The following WDR41 variants were observed in gnomAD, a reference collection of about 807,000 sequenced individuals.
WDR41 encodes WD repeat-containing protein 41.
Under a neutral mutation model 69.3 loss-of-function variants are expected in WDR41, and 63 were observed. The observed-to-expected ratio is 0.91, with a 90% CI of 0.74 to 1.12. The LOEUF is 1.12. WDR41 is among the 50% of genes most tolerant of loss of function. The probability of loss-of-function intolerance (pLI) is 0.00; values close to 1 mark genes in which losing one functional copy is unlikely to be tolerated. For missense variants in WDR41, 543 were observed against 534.5 expected, an observed-to-expected ratio of 1.02 and a Z score of -0.16; for synonymous variants, 185 against 192.1, an observed-to-expected ratio of 0.96 and a Z score of 0.31.
chr5:77,572,017 C>T (rs562046324), intron 1 of WDR41, among the ~76,000 whole-genome samples: 9 of 152,194 alleles, frequency 5.9e-5, no homozygotes, highest in African/African-American at 1.4e-4. Context: ...CTAAAAACCA[C>T]GTTTCTCTAG....
At chr5:77,452,049 T>C in intron 6 of WDR41, 1 of 151,830 alleles carries the variant, frequency 6.6e-6, no homozygotes, top group Admixed American at 6.6e-5. Context: ...TTTTCCATTA[T>C]GATATATATG....
intron 1 of WDR41, among the ~76,000 whole-genome samples, chr5:77,597,533 C>T (rs912665282): frequency 3.3e-5 from 5 of 152,098 alleles, no homozygotes; most frequent in Non-Finnish European, 5.9e-5. Context: ...GCAGCAAATA[C>T]CTATGAGGGC....
chr5:77,449,902 C>T, intron 7 of WDR41, 32 bp from the exon 8 acceptor site: 1 of 1,436,442 alleles, frequency 7.0e-7, no homozygotes, highest in Non-Finnish European at 9.8e-7. Flanking sequence ...AATTTTATTA[C>T]AATGCTCTAA....
chr5:77,583,251 G>C (rs1023313766), intron 1 of WDR41: 4 of 626,522 alleles, frequency 6.4e-6, no homozygotes, highest in African/African-American at 1.8e-5. Context: ...GCCAGGCGCC[G>C]TCCCTGTTAT....
intron 1 of WDR41, among the ~76,000 whole-genome samples, chr5:77,510,493 G>C (rs1802181266): frequency 6.6e-6 from 1 of 152,094 alleles, no homozygotes; most frequent in Non-Finnish European, 1.5e-5. Context: ...ATAAAATTAT[G>C]GTTCTGCCCA....
intron 1 of WDR41, among the ~76,000 whole-genome samples, chr5:77,508,654 T>G (rs899063364): frequency 6.6e-6 from 1 of 152,230 alleles, no homozygotes; most frequent in East Asian, 1.9e-4. Context: ...TCACAATTAT[T>G]TGTTGCTATT....
At chr5:77,492,421 G>A (rs921509550), upstream of WDR41, 1 of 612,770 alleles carries the variant, frequency 1.6e-6, no homozygotes, top group Non-Finnish European at 2.6e-6. Context: ...ACCCAGCCAC[G>A]GAGGCTTAGT....
At chr5:77,461,859 C>G (rs933542211) in intron 4 of WDR41, among the ~76,000 whole-genome samples, 2 of 151,488 alleles carry the variant, frequency 1.3e-5, no homozygotes, top group Non-Finnish European at 2.9e-5. Context: ...ATTAATCTGA[C>G]AACCTCTTTT....
chr5:77,576,644 A>G (rs10071808), intron 1 of WDR41, among the ~76,000 whole-genome samples: 44,910 of 151,996 alleles, frequency 0.3, 7,281 homozygotes, highest in East Asian at 0.41. Context: ...CTCTTTAAGA[A>G]TTAGCATTAG....
chr5:77,477,964 T>C (rs187516011), intron 2 of WDR41, among the ~76,000 whole-genome samples: 2,735 of 150,544 alleles, frequency 0.018, 36 homozygotes, highest in Middle Eastern at 0.062. Context: ...AAGAATCAAA[T>C]AGATGCAATA....
intron 2 of WDR41, among the ~76,000 whole-genome samples, chr5:77,469,085 T>C (rs535175862): frequency 6.6e-6 from 1 of 152,272 alleles, no homozygotes; most frequent in African/African-American, 2.4e-5. Flanking sequence ...GTTCACGTCC[T>C]TTGTAGGGAC....
At chr5:77,607,746 A>C (rs1248055283) in intron 1 of WDR41, among the ~76,000 whole-genome samples, 1 of 152,264 alleles carries the variant, frequency 6.6e-6, no homozygotes, top group East Asian at 1.9e-4. Flanking sequence ...TGGAAAATAT[A>C]TAAAATAACT....
intron 1 of WDR41, among the ~76,000 whole-genome samples, chr5:77,547,045 A>C (rs1743212180): frequency 6.6e-6 from 1 of 152,164 alleles, no homozygotes; most frequent in Non-Finnish European, 1.5e-5. Flanking sequence ...CAATAGATGC[A>C]GAAAAAGTAT....
chr5:77,612,881 A>G (rs1744591257), intron 1 of WDR41, among the ~76,000 whole-genome samples: 1 of 151,874 alleles, frequency 6.6e-6, no homozygotes, highest in African/African-American at 2.4e-5. Flanking sequence ...ACATGATTGT[A>G]TATCTAGAAA....
At chr5:77,573,016 A>G (rs147428940) in intron 1 of WDR41, among the ~76,000 whole-genome samples, 127 of 152,282 alleles carry the variant, frequency 8.3e-4, no homozygotes, top group African/African-American at 2.8e-3. Flanking sequence ...ATCAAAGTAA[A>G]AGAGCATGTA....
chr5:77,482,176 G>A (rs1801301822), intron 2 of WDR41, among the ~76,000 whole-genome samples: 1 of 152,098 alleles, frequency 6.6e-6, no homozygotes, highest in Non-Finnish European at 1.5e-5. Context: ...TGTCTTATCT[G>A]CACCCAGTCC....
intron 1 of WDR41, among the ~76,000 whole-genome samples, chr5:77,617,678 A>G (rs1292156637): frequency 6.6e-6 from 1 of 152,212 alleles, no homozygotes; most frequent in African/African-American, 2.4e-5. Context: ...GTACTAAAAT[A>G]TTAGGTAGGT....
rs534602913 is a variant in WDR41, at chr5:77,561,100, A to C, written c.42+59379T>G. On this transcript the variant is annotated intron_variant, in intron 1 of 5. Transcript: ENST00000509971. ...TTCTCTGTATCCATTGTTTTGTTGA[A>C]TATCATTCACAAAAGCTAATTTTAG... Among the ~76,000 whole-genome samples the C allele has an allele frequency of 1.7e-4, 26 of 152,272 alleles. No homozygotes were observed. The South Asian group carries it at 4.8e-3, about 28-fold the overall frequency.
chr5:77,447,078 A>G (rs1212907232), intron 8 of WDR41, among the ~76,000 whole-genome samples: 1 of 152,160 alleles, frequency 6.6e-6, no homozygotes, highest in African/African-American at 2.4e-5. Context: ...AATTTACAAG[A>G]AAAAAACAAC....
Sources: allele counts gnomAD v4.1 joint callset (sites outside exome capture counted in the v4.1 genomes callset), GRCh38; gene constraint gnomAD v4.1.1; transcripts MANE v1.5; gene names NCBI Gene and HGNC (gene_info 2026-07-23, HGNC 2026-07-21).